Variants in ZNF331 observed in about 807,000 individuals in gnomAD.
ZNF331 encodes the protein zinc finger protein 331.
A neutral mutation model predicts 7.0 loss-of-function variants in ZNF331; 2 were observed. The ratio of observed to expected loss-of-function variants is 0.29; its 90% CI spans 0.12 to 0.90. ZNF331 has a LOEUF of 0.90. Among genes scored for constraint, ZNF331 ranks in the 40% least tolerant of loss-of-function variants. The probability of loss-of-function intolerance (pLI) is 0.58; values close to 1 mark genes in which losing one functional copy is unlikely to be tolerated. For synonymous variants in ZNF331, 196 were observed against 205.4 expected, an observed-to-expected ratio of 0.95 and a Z score of 0.39; for missense variants, 432 against 587.7, an observed-to-expected ratio of 0.74 and a Z score of 2.74.
intron 3 of ZNF331, 45 bp from the exon 4 acceptor site, chr19:53,569,259 G>T: frequency 9.2e-7 from 1 of 1,083,556 alleles, no homozygotes; most frequent in Non-Finnish European, 1.4e-6. Context: ...TCACTATGGG[G>T]ACCCCAGATG....
At chr19:53,540,093 G>A (rs941991008) in intron 2 of ZNF331, among the ~76,000 whole-genome samples, 4 of 152,186 alleles carry the variant, frequency 2.6e-5, no homozygotes, top group Non-Finnish European at 4.4e-5. Flanking sequence ...GATTATTCAT[G>A]AATCCTTCAA....
chr19:53,576,299 CTTTTAATAATACTACTG>C (rs2090719603), intron 5 of ZNF331, among the ~76,000 whole-genome samples: 3 of 152,296 alleles, frequency 2.0e-5, no homozygotes, highest in African/African-American at 7.2e-5. Context: ...TTACCAGTTA[CTTTTAATAATACTACTG>C]ACATATACGT....
the ZNF331 span, chr19:53,503,684 A>G: frequency 9.9e-6 from 7 of 704,672 alleles, no homozygotes; most frequent in African/African-American, 3.5e-5. Flanking sequence ...CATTGGCAGC[A>G]CCTGCCTCCT....
the ZNF331 span, among the ~76,000 whole-genome samples, chr19:53,513,918 C>G: frequency 5.3e-5 from 8 of 152,052 alleles, no homozygotes; most frequent in Admixed American, 4.6e-4. Context: ...CCCCTTTGCT[C>G]ATCTTTAATA....
At chr19:53,507,237 C>T in the ZNF331 span, among the ~76,000 whole-genome samples, 9 of 152,210 alleles carry the variant, frequency 5.9e-5, no homozygotes, top group South Asian at 1.0e-3. Context: ...GTTGCCCTGA[C>T]GCAATCCTGA....
the ZNF331 span, among the ~76,000 whole-genome samples, chr19:53,505,813 CCTCT>C: frequency 4.8e-5 from 7 of 147,094 alleles, no homozygotes; most frequent in Non-Finnish European, 1.1e-4. Context: ...GGTGAAACCC[CCTCT>C]CTATTAAAAA....
At chr19:53,506,468 C>CTG in the ZNF331 span, among the ~76,000 whole-genome samples, 1 of 144,408 alleles carries the variant, frequency 6.9e-6, no homozygotes, top group Non-Finnish European at 1.5e-5. Flanking sequence ...CTCTCTCTCT[C>CTG]TCTCTCTCTC....
At chr19:53,550,529 C>CTTTTGTT (rs2088916606) in intron 2 of ZNF331, among the ~76,000 whole-genome samples, 1 of 64,540 alleles carries the variant, frequency 1.5e-5, no homozygotes, top group Admixed American at 2.6e-4. Flanking sequence ...TCTATTTTGT[C>CTTTTGTT]TTTTTTTTTT....
intron 2 of ZNF331, among the ~76,000 whole-genome samples, chr19:53,546,140 G>GGAAAAAAAAAAAAAAAAAAAAAA (rs551214509): frequency 1.8e-5 from 2 of 113,484 alleles, no homozygotes; most frequent in Non-Finnish European, 3.7e-5. Context: ...TCCTGAGGGG[G>GGAAAAAAAAAAAAAAAAAAAAAA]AAAAAAAAAA....
chr19:53,574,750 C>G (rs1300560801), intron 5 of ZNF331, among the ~76,000 whole-genome samples: 3 of 152,198 alleles, frequency 2.0e-5, no homozygotes, highest in Non-Finnish European at 2.9e-5. Context: ...TGCTTACATT[C>G]ATCACACTGG....
intron 2 of ZNF331, among the ~76,000 whole-genome samples, chr19:53,540,047 A>G (rs1215044481): frequency 1.3e-5 from 2 of 152,222 alleles, no homozygotes; most frequent in Non-Finnish European, 2.9e-5. Context: ...TTTTGTAAAT[A>G]CCTTATCCAA....
At chr19:53,516,176 C>T (rs575746675), upstream of ZNF331, among the ~76,000 whole-genome samples, 26 of 152,144 alleles carry the variant, frequency 1.7e-4, no homozygotes, top group Non-Finnish European at 3.1e-4. Context: ...TTGGGCCGGG[C>T]GTGGTGGCTC....
At position 53,579,624 on chromosome 19, in the gene ZNF331, CTGTGG is replaced by C. The variant is rs2090854862; in HGVS notation, c.*1673_*1677del. The stretch of plus-strand genomic sequence containing the variant: ...TAGTGAATTTTTACAAGAAAACTCC[CTGTGG>C]GTGCAATGAGTCTGGAAAAGACCAT... On this transcript the variant is annotated 3_prime_UTR_variant, in exon 6 of 6. Transcript: ENST00000449416. 5.0e-6 allele frequency: 1 copy of C among 199,958 alleles called. No individual in the cohort carries two copies. The highest frequency in any genetic ancestry group is 2.3e-5 in the African/African-American group (1 of 43,444). 12.4% of individuals were successfully genotyped at this position (199,958 alleles called of 1,614,324 possible). A position where few individuals can be genotyped will look rare whatever the true frequency, so the allele number is the denominator to read the frequency against.
intron 2 of ZNF331, among the ~76,000 whole-genome samples, chr19:53,544,499 C>G (rs1036619794): frequency 9.1e-4 from 134 of 147,710 alleles, no homozygotes; most frequent in African/African-American, 3.0e-3. Context: ...GAGCCGAGAT[C>G]ACGCCACTGC....
At chr19:53,561,977 G>A (rs539094922) in intron 3 of ZNF331, among the ~76,000 whole-genome samples, 4 of 151,614 alleles carry the variant, frequency 2.6e-5, no homozygotes, top group East Asian at 3.9e-4. Context: ...GTGAAACGCC[G>A]TCTCTACAAA....
chr19:53,535,389 C>T (rs767411133), upstream of ZNF331, among the ~76,000 whole-genome samples: 30 of 152,168 alleles, frequency 2.0e-4, no homozygotes, highest in South Asian at 6.2e-4. Context: ...ACTGTCCGGC[C>T]GTAATTACCC....
chr19:53,506,450 C>CTCTCTCTCTCTCTCTCTCTCTCTT, the ZNF331 span, among the ~76,000 whole-genome samples: 1 of 47,624 alleles, frequency 2.1e-5, no homozygotes, highest in Non-Finnish European at 5.3e-5. Context: ...CTCTGTCTCT[C>CTCTCTCTCTCTCTCTCTCTCTCTT]TCTCTCTCTC....
chr19:53,549,178 G>A (rs2088819372), intron 2 of ZNF331, among the ~76,000 whole-genome samples: 1 of 152,168 alleles, frequency 6.6e-6, no homozygotes, highest in South Asian at 2.1e-4. Flanking sequence ...TTTCCCAACA[G>A]CATTTATTTA....
chr19:53,563,313 C>G (rs2089990599), intron 3 of ZNF331, among the ~76,000 whole-genome samples: 1 of 151,994 alleles, frequency 6.6e-6, no homozygotes, highest in Non-Finnish European at 1.5e-5. Context: ...GTCTTGAACT[C>G]CTGACCTCGT....
Sources: gnomAD v4.1 joint callset for allele counts (sites outside exome capture counted in the v4.1 genomes callset) on GRCh38, gnomAD v4.1.1 for gene constraint, MANE v1.5 for transcripts, NCBI Gene and HGNC (gene_info 2026-07-23, HGNC 2026-07-21) for gene names.